The following ADAMTS17 variants were observed in gnomAD, a reference collection of about 807,000 sequenced individuals.
The protein encoded by ADAMTS17 is A disintegrin and metalloproteinase with thrombospondin motifs 17.
ADAMTS17 carries 113 observed loss-of-function variants against 141.5 expected under a neutral mutation model. The ratio of observed to expected loss-of-function variants is 0.80; its 90% CI spans 0.69 to 0.93. ADAMTS17 has a LOEUF of 0.93. Ranked by LOEUF, ADAMTS17 falls within the 40% of genes least tolerant of loss-of-function variation. ADAMTS17 has a pLI of 0.00. For missense variants in ADAMTS17, 1,659 were observed against 1,517.9 expected (o/e 1.09, Z -1.54); for synonymous variants, 768 against 630.6 (o/e 1.22, Z -3.27).
chr15:100,236,857 T>C (rs1480939403), intron 7 of ADAMTS17, among the ~76,000 whole-genome samples: 3 of 151,790 alleles, frequency 2.0e-5, no homozygotes, highest in Admixed American at 2.0e-4. Flanking sequence ...AAGAAAGAAA[T>C]ACCAACTACT....
chr15:100,087,311 A>G (rs1247312413), intron 15 of ADAMTS17, among the ~76,000 whole-genome samples: 2 of 152,228 alleles, frequency 1.3e-5, no homozygotes, highest in East Asian at 3.8e-4. Context: ...CTCTGAATAG[A>G]CCAATAACAG....
intron 6 of ADAMTS17, among the ~76,000 whole-genome samples, chr15:100,259,567 C>CA (rs2043444392): frequency 6.6e-6 from 1 of 152,226 alleles, no homozygotes; most frequent in Admixed American, 6.5e-5. Context: ...GCTACTACAT[C>CA]AGCCATGTCA....
rs60655404 is a variant in ADAMTS17, at chr15:100,119,043, T to TACACACACACACACACACACACACAC, written c.1722-2031_1722-2030insGTGTGTGTGTGTGTGTGTGTGTGTGT. 5.9e-3 allele frequency among the ~76,000 whole-genome samples: 872 copies of TACACACACACACACACACACACACAC among 148,664 alleles called. 9 individuals carry two copies. Among genetic ancestry groups the TACACACACACACACACACACACACAC allele is most frequent in the South Asian group, 0.014 (63 of 4,620 alleles). On this transcript the variant is annotated intron_variant, in intron 12 of 21. Coordinates refer to ENST00000268070, the MANE Select transcript of ADAMTS17 (RefSeq NM_139057.4). ...CTTATGAAAAGGGGACATCTGGAGA[T>TACACACACACACACACACACACACAC]ACACACACACACACACACAGAGACA...
intron 2 of ADAMTS17, among the ~76,000 whole-genome samples, chr15:100,332,109 A>T (rs527465372): frequency 6.6e-6 from 1 of 152,260 alleles, no homozygotes; most frequent in Non-Finnish European, 1.5e-5. Context: ...CGCTCTAAGC[A>T]TATTTCAAGG....
At chr15:100,116,150 A>C (rs2037112366) in intron 13 of ADAMTS17, among the ~76,000 whole-genome samples, 2 of 151,456 alleles carry the variant, frequency 1.3e-5, no homozygotes, top group South Asian at 2.1e-4. Context: ...AAAAAAAAAA[A>C]AAAAAAAACC....
Position 100,184,486 on chromosome 15 carries a change from G to A in ADAMTS17, c.1181+14832C>T, listed in dbSNP as rs76849755. On this transcript the variant is annotated intron_variant, in intron 8 of 21. Coordinates refer to ENST00000268070, the MANE Select transcript of ADAMTS17 (RefSeq NM_139057.4). ...AGGATATCTGGTTACATTTAGAGAA[G>A]GTTACCTTTACGTTTTTCTGAGGCT... 2.2e-3 allele frequency among the ~76,000 whole-genome samples: 334 copies of A among 152,306 alleles called. 3 individuals carry two copies. The highest frequency in any genetic ancestry group is 7.1e-3 in the African/African-American group (294 of 41,570).
intron 12 of ADAMTS17, chr15:100,129,115 G>C (rs552312961): frequency 6.6e-6 from 1 of 152,192 alleles, no homozygotes; most frequent in African/African-American, 2.4e-5. Context: ...GACATTCAGA[G>C]GTTCTGATAT....
At chr15:100,082,385 C>CT (rs11325623) in intron 15 of ADAMTS17, among the ~76,000 whole-genome samples, 317 of 143,990 alleles carry the variant, frequency 2.2e-3, no homozygotes, top group South Asian at 8.8e-3. Context: ...TTTTGATAGT[C>CT]TTTTTTTTTT....
At chr15:100,211,662 G>C (rs977222351) in intron 7 of ADAMTS17, among the ~76,000 whole-genome samples, 2 of 151,986 alleles carry the variant, frequency 1.3e-5, no homozygotes, top group African/African-American at 4.8e-5. Flanking sequence ...TGTCATAAAA[G>C]GTACCATAAA....
At chr15:100,265,417 G>A (rs576224614) in intron 4 of ADAMTS17, among the ~76,000 whole-genome samples, 14 of 152,214 alleles carry the variant, frequency 9.2e-5, no homozygotes, top group Middle Eastern at 3.2e-3. Flanking sequence ...CAAGCGTCTG[G>A]AAATTCCGTC....
chr15:100,331,479 A>C (rs1208014531), intron 2 of ADAMTS17, among the ~76,000 whole-genome samples: 2 of 152,178 alleles, frequency 1.3e-5, no homozygotes, highest in Non-Finnish European at 2.9e-5. Context: ...GGGTATATTA[A>C]GAGTAACATT....
At chr15:100,242,167 G>A (rs962657230) in intron 7 of ADAMTS17, among the ~76,000 whole-genome samples, 1 of 152,182 alleles carries the variant, frequency 6.6e-6, no homozygotes, top group African/African-American at 2.4e-5. Flanking sequence ...TGACTCCGGA[G>A]GGTCACTCGC....
chr15:100,297,153 G>A (rs2141786962), intron 3 of ADAMTS17, among the ~76,000 whole-genome samples: 1 of 152,264 alleles, frequency 6.6e-6, no homozygotes, highest in Non-Finnish European at 1.5e-5. Context: ...AGTCCAGAGA[G>A]TGGGAACAGC....
intron 15 of ADAMTS17, among the ~76,000 whole-genome samples, chr15:100,077,461 C>A (rs1162312713): frequency 2.9e-5 from 4 of 139,386 alleles, no homozygotes; most frequent in African/African-American, 1.1e-4. Context: ...GACTCCCTCT[C>A]AAAAAAAAAA....
At chr15:100,263,525 C>A (rs2043603554) in intron 4 of ADAMTS17, among the ~76,000 whole-genome samples, 1 of 152,066 alleles carries the variant, frequency 6.6e-6, no homozygotes, top group South Asian at 2.1e-4. Flanking sequence ...GCAGTCACAG[C>A]AAAGTGATTC....
At chr15:100,166,697 T>G (rs2039964340) in intron 8 of ADAMTS17, among the ~76,000 whole-genome samples, 1 of 152,228 alleles carries the variant, frequency 6.6e-6, no homozygotes, top group Non-Finnish European at 1.5e-5. Flanking sequence ...CTTGTTTTCC[T>G]AGCTGAGAGA....
chr15:99,987,480 C>A (rs945869144), intron 20 of ADAMTS17, among the ~76,000 whole-genome samples: 3 of 152,194 alleles, frequency 2.0e-5, no homozygotes, highest in Non-Finnish European at 1.5e-5. Context: ...AATGCCAGCA[C>A]ATGATGAGGT....
chr15:100,018,198 G>A (rs2573679), intron 18 of ADAMTS17, among the ~76,000 whole-genome samples: 23,238 of 152,176 alleles, frequency 0.15, 4,861 homozygotes, highest in African/African-American at 0.47. Context: ...TTCACTTAGC[G>A]TAATGTCCTC....
chr15:100,169,326 T>G (rs1330516280), intron 8 of ADAMTS17, among the ~76,000 whole-genome samples: 1 of 151,958 alleles, frequency 6.6e-6, no homozygotes, highest in East Asian at 1.9e-4. Context: ...TCAACACAGA[T>G]GCTAAATGGG....
Sources: allele counts gnomAD v4.1 joint callset (sites outside exome capture counted in the v4.1 genomes callset), GRCh38; gene constraint gnomAD v4.1.1; transcripts MANE v1.5; gene names NCBI Gene and HGNC (gene_info 2026-07-23, HGNC 2026-07-21).